GSDME: variants seen among roughly 807,000 people sequenced by gnomAD.
GSDME encodes gasdermin E, also known as gasdermin-E.
GSDME carries 44 observed loss-of-function variants against 47.5 expected under a neutral mutation model. That is an observed-to-expected ratio of 0.93 (90% confidence interval 0.73 to 1.19). The LOEUF (loss-of-function observed/expected upper bound fraction) is 1.19, where lower values mean the gene tolerates loss of function less well. Ranked by LOEUF, GSDME falls within the 50% of genes most tolerant of loss-of-function variation. The pLI, the probability that GSDME is intolerant of heterozygous loss-of-function variation, is 0.00. For synonymous variants in GSDME, 258 were observed against 252.8 expected, an observed-to-expected ratio of 1.02 and a Z score of -0.20; for missense variants, 663 against 604.2, an observed-to-expected ratio of 1.10 and a Z score of -1.02.
intron 3 of GSDME, among the ~76,000 whole-genome samples, chr7:24,723,199 GC>G (rs1402853166): frequency 1.3e-5 from 2 of 152,220 alleles, no homozygotes; most frequent in African/African-American, 2.4e-5. Flanking sequence ...CACAGGGACA[GC>G]GGGGAAGCTA....
At chr7:24,718,254 C>T (rs947265236) in intron 4 of GSDME, among the ~76,000 whole-genome samples, 5 of 152,202 alleles carry the variant, frequency 3.3e-5, no homozygotes, top group Non-Finnish European at 7.3e-5. Context: ...TTCTGAGTTC[C>T]TCTAGAAAAA....
rs566513221 is a variant in GSDME, at chr7:24,716,263, T to C, written c.697+991A>G. ...GCCCATCAGCCAGCTTCAGCCACTG[T>C]CCCCTCTCAGCCAAGCCTCCTTCCC... On this transcript the variant is annotated intron_variant, in intron 5 of 9. Coordinates refer to ENST00000645220, the MANE Select transcript of GSDME (RefSeq NM_001127453.2). The surrounding 1 kb of genome is among the most constrained non-coding windows in gnomAD (Gnocchi z 4.5). 1.3e-5 allele frequency among the ~76,000 whole-genome samples: 2 copies of C among 152,214 alleles called. No individual in the cohort carries two copies. Among genetic ancestry groups the C allele is most frequent in the South Asian group, 4.2e-4 (2 of 4,816 alleles).
the GSDME span, among the ~76,000 whole-genome samples, chr7:24,774,055 A>G: frequency 4.6e-5 from 7 of 152,268 alleles, no homozygotes; most frequent in East Asian, 1.3e-3. Flanking sequence ...TGTCTTTCTG[A>G]GAGACTCCTG....
intron 8 of GSDME, chr7:24,704,718 C>T (rs928384363): frequency 2.0e-5 from 3 of 150,850 alleles, no homozygotes; most frequent in African/African-American, 4.9e-5. Context: ...TGCAAGCTTG[C>T]AGAGATTTTT....
chr7:24,782,131 T>C, the GSDME span, among the ~76,000 whole-genome samples: 1 of 149,308 alleles, frequency 6.7e-6, no homozygotes. Context: ...GTTTGTTACA[T>C]ATGTTTACAT....
chr7:24,760,047 G>T (rs925985423), upstream of GSDME, among the ~76,000 whole-genome samples: 3 of 152,274 alleles, frequency 2.0e-5, no homozygotes, highest in Middle Eastern at 3.4e-3. The surrounding 1 kb of genome is among the most constrained non-coding windows in gnomAD (Gnocchi z 4.2). Flanking sequence ...GGAAATGGAG[G>T]GCTATGGAAA....
At chr7:24,760,351 T>C (rs77135141), upstream of GSDME, among the ~76,000 whole-genome samples, 1,217 of 152,230 alleles carry the variant, frequency 8.0e-3, 14 homozygotes, top group African/African-American at 0.028. The surrounding 1 kb of genome is among the most constrained non-coding windows in gnomAD (Gnocchi z 4.2). Context: ...AGAACCACAT[T>C]TGGAGACCTG....
At chr7:24,706,037 C>T in intron 8 of GSDME, 147 bp downstream of exon 8, 1 of 1,027,242 alleles carries the variant, frequency 9.7e-7, no homozygotes, top group Non-Finnish European at 1.5e-6. Flanking sequence ...CAGCCTCCCA[C>T]CTCTTACCCT....
chr7:24,717,622 A>C lies in GSDME; in HGVS notation c.577-248T>G, dbSNP rs28758560. Among the ~76,000 whole-genome samples, 24,802 of 152,162 alleles carry C rather than the reference A, an allele frequency of 0.16. 2,425 individuals are homozygous for C. The highest frequency in any genetic ancestry group is 0.26 in the Admixed American group (3,994 of 15,288). On this transcript the variant is annotated intron_variant, in intron 4 of 9. Coordinates refer to ENST00000645220, the MANE Select transcript of GSDME (RefSeq NM_001127453.2). ...AGCGAGATTATAGAGCGTGGGATAC[A>C]GTGAAGTTAGGTCTACAGTGCTGTG... is the stretch of plus-strand genomic sequence containing the variant.
intron 1 of GSDME, among the ~76,000 whole-genome samples, chr7:24,755,407 G>T (rs936385186): frequency 6.6e-6 from 1 of 152,062 alleles, no homozygotes; most frequent in Non-Finnish European, 1.5e-5. Flanking sequence ...CGAGATTTAC[G>T]AGGATACTCA....
At position 24,706,251 on chromosome 7, in the gene GSDME, C is replaced by T. The variant is rs200449730; in HGVS notation, c.1116G>A (p.Pro372=). 79 of 1,614,220 alleles carry T rather than the reference C, an allele frequency of 4.9e-5. 1 individual carries two copies. The highest frequency in any genetic ancestry group is 4.4e-4 in the African/African-American group (33 of 75,068). The change falls in exon 8 of 10, where the codon CCG becomes CCA. Residue 372 remains proline, a synonymous_variant. Coordinates refer to ENST00000645220, the MANE Select transcript of GSDME (RefSeq NM_001127453.2). ...LVGCSLQGGC[P]GPEDAGSKQL... is the part of the protein sequence containing the mutation. ...GCTTGCTGCCTGCATCCTCGGGGCC[C>T]GGACACCCACCCTGTAAGCTGCACC...
At position 24,733,171 on chromosome 7, in the gene GSDME, C is replaced by G. The variant is rs987270670; in HGVS notation, c.404+11391G>C. On this transcript the variant is annotated intron_variant, in intron 3 of 9. Transcript: ENST00000645220. The surrounding 1 kb of genome is among the most constrained non-coding windows in gnomAD (Gnocchi z 4.3). ...CAGACATTTCTAGAAACACCCTGAG[C>G]CAGAATGTAACCTCCTGCCTTAAGG... Among the ~76,000 whole-genome samples the G allele has an allele frequency of 6.6e-6, 1 of 152,100 alleles. No individual in the cohort carries two copies. The highest frequency in any genetic ancestry group is 1.5e-5 in the Non-Finnish European group (1 of 68,034).
chr7:24,767,608 A>T, the GSDME span, among the ~76,000 whole-genome samples: 33 of 145,100 alleles, frequency 2.3e-4, no homozygotes, highest in Non-Finnish European at 4.3e-4. This position sits in a 1 kb window ranked among gnomAD's most constrained non-coding sequence, Gnocchi z 5.3. Context: ...AGGAAAATGG[A>T]GTTGTAGAAC....
At position 24,739,021 on chromosome 7, in the gene GSDME, T is replaced by C. The variant is rs915292223; in HGVS notation, c.404+5541A>G. ...CACTTAAATCTAAGACCTCAAACTA[T>C]GAAACTACTATAAGAAAACACGAGG... On this transcript the variant is annotated intron_variant, in intron 3 of 9. Coordinates refer to ENST00000645220, the MANE Select transcript of GSDME (RefSeq NM_001127453.2). This position sits in a 1 kb window ranked among gnomAD's most constrained non-coding sequence, Gnocchi z 5.1. Among the ~76,000 whole-genome samples, 5 of 152,108 alleles carry C rather than the reference T, an allele frequency of 3.3e-5. No individual in the cohort carries two copies. The South Asian group carries it at 8.3e-4, about 25-fold the overall frequency.
At chr7:24,781,639 T>G in the GSDME span, among the ~76,000 whole-genome samples, 2 of 151,778 alleles carry the variant, frequency 1.3e-5, no homozygotes, top group African/African-American at 4.8e-5. Context: ...TTATGTGGAT[T>G]AAATCTATTG....
Position 24,728,150 on chromosome 7 carries a change from A to G in GSDME, c.405-8932T>C, listed in dbSNP as rs117323249. On this transcript the variant is annotated intron_variant, in intron 3 of 9. Coordinates refer to ENST00000645220, the MANE Select transcript of GSDME (RefSeq NM_001127453.2). The surrounding 1 kb of genome is among the most constrained non-coding windows in gnomAD (Gnocchi z 7.2). Reference sequence around the variant, plus strand: ...AATTCTGGCCAATGAGACCTGAGGAAAATCTGTTAGGGGTTCTCAAGTTTT... The same window carrying G: ...AATTCTGGCCAATGAGACCTGAGGAGAATCTGTTAGGGGTTCTCAAGTTTT... 0.016 allele frequency among the ~76,000 whole-genome samples: 2,363 copies of G among 152,298 alleles called. 45 individuals carry two copies. The highest frequency in any genetic ancestry group is 0.051 in the Admixed American group (780 of 15,300).
At chr7:24,764,191 T>G in the GSDME span, among the ~76,000 whole-genome samples, 2 of 152,194 alleles carry the variant, frequency 1.3e-5, no homozygotes, top group Non-Finnish European at 2.9e-5. This position sits in a 1 kb window ranked among gnomAD's most constrained non-coding sequence, Gnocchi z 4.4. Flanking sequence ...AAAAAGCAAT[T>G]TGGCAAGGAA....
chr7:24,701,921 T>C lies in GSDME; in HGVS notation c.1257+839A>G, dbSNP rs537565411. On this transcript the variant is annotated intron_variant, in intron 9 of 9. Coordinates refer to ENST00000645220, the MANE Select transcript of GSDME (RefSeq NM_001127453.2). Reference sequence around the variant, plus strand: ...TTACTCGGTGTTCCCAGAGTAGATGTATACCAAATGTCAGGGTCCTGTCTA... The same window carrying C: ...TTACTCGGTGTTCCCAGAGTAGATGCATACCAAATGTCAGGGTCCTGTCTA... Among the ~76,000 whole-genome samples, 10 of 152,330 alleles carry C rather than the reference T, an allele frequency of 6.6e-5. No individual in the cohort carries two copies. The South Asian group carries it at 1.9e-3, about 28-fold the overall frequency.
rs2128058969 is a variant in GSDME at position 24,733,497 on chromosome 7, G to A, written c.404+11065C>T. ...CCCTTCAAGTCTCTGATTCCAGGTT[G>A]TGGCTCTTGGATGGCATTTCTGGAC... On this transcript the variant is annotated intron_variant, in intron 3 of 9. Coordinates refer to ENST00000645220, the MANE Select transcript of GSDME (RefSeq NM_001127453.2). This position sits in a 1 kb window ranked among gnomAD's most constrained non-coding sequence, Gnocchi z 4.3. Among the ~76,000 whole-genome samples the A allele has an allele frequency of 6.6e-6, 1 of 152,288 alleles. No individual in the cohort carries two copies. The highest frequency in any genetic ancestry group is 3.4e-3 in the Middle Eastern group (1 of 294).
Sources: allele counts gnomAD v4.1 joint callset (sites outside exome capture counted in the v4.1 genomes callset), GRCh38; gene constraint gnomAD v4.1.1; non-coding constraint Gnocchi (gnomAD v3.1); transcripts MANE v1.5; gene names NCBI Gene and HGNC (gene_info 2026-07-23, HGNC 2026-07-21).